HMCN1: variants seen among roughly 807,000 people sequenced by gnomAD.
HMCN1 encodes the protein hemicentin 1.
In HMCN1, 321 loss-of-function variants were observed where a neutral mutation model predicts 625.9. That is an observed-to-expected ratio of 0.51 (90% CI 0.47 to 0.56). The LOEUF (loss-of-function observed/expected upper bound fraction) is 0.56. Among genes scored for constraint, HMCN1 ranks in the 20% least tolerant of loss-of-function variants. The pLI is 0.00. For missense variants in HMCN1, 6,588 were observed against 6,887.3 expected, an observed-to-expected ratio of 0.96 and a Z score of 1.54; for synonymous variants, 2,425 against 2,417.6, an observed-to-expected ratio of 1.00 and a Z score of -0.09.
intron 1 of HMCN1, among the ~76,000 whole-genome samples, chr1:185,830,650 G>T (rs954709861): frequency 1.3e-5 from 2 of 152,082 alleles, no homozygotes; most frequent in African/African-American, 4.8e-5. Context: ...CCAGCACTTT[G>T]GGAGGCTGGG....
chr1:185,798,972 T>G (rs2102219435), intron 1 of HMCN1, among the ~76,000 whole-genome samples: 1 of 152,316 alleles, frequency 6.6e-6, no homozygotes, highest in African/African-American at 2.4e-5. Flanking sequence ...AATTATGTCT[T>G]TGGTTCCTAA....
intron 14 of HMCN1, among the ~76,000 whole-genome samples, chr1:185,969,504 G>C (rs1024816920): frequency 1.3e-5 from 2 of 152,084 alleles, no homozygotes; most frequent in African/African-American, 2.4e-5. Context: ...CCTGAGTTGT[G>C]TTTGCTTCTT....
Position 186,046,266 on chromosome 1 carries a change from C to T in HMCN1, c.6480+403C>T, listed in dbSNP as rs148554845. On this transcript the variant is annotated intron_variant, in intron 41 of 106. Transcript: ENST00000271588. ...GGCGGACCACTTGAGGTCAGGAGTTCGAGACCAGCCCAGCCAACATGGTGA... is the reference window on the plus strand; with the variant it reads ...GGCGGACCACTTGAGGTCAGGAGTTTGAGACCAGCCCAGCCAACATGGTGA... 6.2e-3 allele frequency among the ~76,000 whole-genome samples: 949 copies of T among 152,146 alleles called. 4 individuals carry two copies. Among genetic ancestry groups the T allele is most frequent in the Non-Finnish European group, 0.011 (755 of 67,984 alleles).
At chr1:186,103,008 T>A (rs1391904234) in intron 68 of HMCN1, among the ~76,000 whole-genome samples, 1 of 152,212 alleles carries the variant, frequency 6.6e-6, no homozygotes, top group African/African-American at 2.4e-5. Flanking sequence ...TTCTGCTTAG[T>A]CATTGTTTCC....
intron 4 of HMCN1, among the ~76,000 whole-genome samples, chr1:185,878,611 T>C (rs1397721227): frequency 1.3e-5 from 2 of 152,204 alleles, no homozygotes; most frequent in Admixed American, 6.5e-5. Flanking sequence ...ATTATCTTTT[T>C]GGTGTGCTGG....
intron 11 of HMCN1, among the ~76,000 whole-genome samples, chr1:185,934,559 T>C (rs1667718982): frequency 6.6e-6 from 1 of 152,204 alleles, no homozygotes; most frequent in South Asian, 2.1e-4. Flanking sequence ...GGAAACATAT[T>C]TGGCTTCTAA....
In HMCN1 at chr1:186,140,807, A is replaced by G. The variant is rs572291587; in HGVS notation, c.13924+2835A>G. 5.9e-5 allele frequency among the ~76,000 whole-genome samples: 9 copies of G among 152,158 alleles called. No individual in the cohort carries two copies. The South Asian group carries it at 1.4e-3, about 24-fold the overall frequency. ...TTTCTTTACTTTGTGATTTATATCAATCAGGACTCAGGTATTATTCAATGG... is the reference window on the plus strand; with the variant it reads ...TTTCTTTACTTTGTGATTTATATCAGTCAGGACTCAGGTATTATTCAATGG... On this transcript the variant is annotated intron_variant, in intron 89 of 106. Transcript: ENST00000271588.
At chr1:186,165,940 A>C (rs978416990) in intron 98 of HMCN1, among the ~76,000 whole-genome samples, 1 of 152,238 alleles carries the variant, frequency 6.6e-6, no homozygotes, top group Non-Finnish European at 1.5e-5. Context: ...GATGATAAAT[A>C]TATTTTAGCT....
At chr1:185,781,084 T>C (rs1657059594) in intron 1 of HMCN1, among the ~76,000 whole-genome samples, 1 of 152,236 alleles carries the variant, frequency 6.6e-6, no homozygotes, top group African/African-American at 2.4e-5. Flanking sequence ...TGGGAAGTTG[T>C]ATGTGTCCAG....
At chr1:186,027,404 A>G (rs1435544306) in intron 36 of HMCN1, among the ~76,000 whole-genome samples, 1 of 152,238 alleles carries the variant, frequency 6.6e-6, no homozygotes, top group Admixed American at 6.5e-5. Flanking sequence ...TAGCCCAAGC[A>G]TTCATTTTAT....
Position 186,090,892 on chromosome 1 carries a change from G to A in HMCN1, c.9862G>A (p.Ala3288Thr). 6.2e-7 allele frequency: 1 copy of A among 1,612,270 alleles called. No individual in the cohort carries two copies. Among genetic ancestry groups the A allele is most frequent in the Non-Finnish European group, 8.5e-7 (1 of 1,178,760 alleles). ...ATGGCTTAAAGATGGAAAGCCCATAGCTAGTGGTGAAACAGAAAGAATCCG... is the reference window on the plus strand; with the variant it reads ...ATGGCTTAAAGATGGAAAGCCCATAACTAGTGGTGAAACAGAAAGAATCCG... ...IQWLKDGKPI[A>T]SGETERIRVS... The change falls in exon 64 of 107, where the codon GCT becomes ACT. Residue 3288 changes from alanine (A) to threonine (T), a missense_variant. Ala to Thr is a moderately conservative substitution (Grantham distance 58). This residue lies in a region of HMCN1 where 4,628 missense variants were observed against 4,853.1 expected (regional missense o/e 0.95). Transcript: ENST00000271588.
At chr1:185,887,096 G>A (rs975149463) in intron 4 of HMCN1, among the ~76,000 whole-genome samples, 1 of 151,990 alleles carries the variant, frequency 6.6e-6, no homozygotes, top group African/African-American at 2.4e-5. Context: ...CATCTTTCAA[G>A]GGTCATCTTT....
Position 186,023,816 on chromosome 1 carries a change from AATTT to A in HMCN1, c.5749+667_5749+670del, listed in dbSNP as rs1272250114. 5.3e-5 allele frequency among the ~76,000 whole-genome samples: 8 copies of A among 152,316 alleles called. No homozygotes were observed. In the South Asian group the frequency reaches 1.5e-3, roughly 28 times the overall value. On this transcript the variant is annotated intron_variant, in intron 36 of 106. Coordinates refer to ENST00000271588, the MANE Select transcript of HMCN1 (RefSeq NM_031935.3). ...ATGATTTCTTCTTCAGCCTTTTATTAATTTATTCATTCATATATTCACTTCACAT... is the reference window on the plus strand; with the variant it reads ...ATGATTTCTTCTTCAGCCTTTTATTAATTCATTCATATATTCACTTCACAT...
In HMCN1 at chr1:186,189,980, C is replaced by T. The variant is rs963113511; in HGVS notation, c.*102C>T. 2 of 1,352,738 alleles carry T rather than the reference C, an allele frequency of 1.5e-6. No homozygotes were observed. The highest frequency in any genetic ancestry group is 2.5e-4 in the Middle Eastern group (1 of 3,986). 83.8% of individuals were successfully genotyped at this position (1,352,738 alleles called of 1,614,324 possible). A position where few individuals can be genotyped will look rare whatever the true frequency, so the allele number is the denominator to read the frequency against. ...TCTTGAACAGTTGCAATCTTGGCAG[C>T]TTGAAAATGGTGCTACACTCTGTTT... is the stretch of plus-strand genomic sequence containing the variant. On this transcript the variant is annotated 3_prime_UTR_variant, in exon 107 of 107. Coordinates refer to ENST00000271588, the MANE Select transcript of HMCN1 (RefSeq NM_031935.3).
intron 10 of HMCN1, 79 bp from the exon 11 acceptor site, chr1:185,933,470 A>T: frequency 7.2e-7 from 1 of 1,381,866 alleles, no homozygotes; most frequent in Non-Finnish European, 1.0e-6. Context: ...GTACATACTT[A>T]TTCAGTTTTT....
At chr1:185,975,634 A>G (rs1336671813) in intron 15 of HMCN1, among the ~76,000 whole-genome samples, 1 of 152,196 alleles carries the variant, frequency 6.6e-6, no homozygotes, top group Non-Finnish European at 1.5e-5. Flanking sequence ...GAGCTATTCT[A>G]TTAACTATGT....
In HMCN1 at chr1:186,001,594, G is replaced by A. The variant is rs777873366; in HGVS notation, c.4201G>A (p.Val1401Met). The change falls in exon 28 of 107, where the codon GTG (valine) becomes ATG (methionine). Residue 1401 changes from valine (V) to methionine (M), a missense_variant and splice_region_variant. This residue lies in a region of HMCN1 where 4,628 missense variants were observed against 4,853.1 expected (regional missense o/e 0.95). Transcript: ENST00000271588. Reference sequence around the variant, plus strand: ...ACACTGACCATTTTGGCCCTTAAAGGTGACTGAAAGCAGCACTATTCAGAC... The same window carrying A: ...ACACTGACCATTTTGGCCCTTAAAGATGACTGAAAGCAGCACTATTCAGAC... ...IIMWYKDNVQ[V>M]TESSTIQTVN... The A allele has an allele frequency of 6.2e-7, 1 of 1,612,946 alleles. No individual in the cohort carries two copies. The highest frequency in any genetic ancestry group is 1.1e-5 in the South Asian group (1 of 91,062).
chr1:186,160,484 G>A (rs1348108221), intron 97 of HMCN1, among the ~76,000 whole-genome samples: 3 of 150,296 alleles, frequency 2.0e-5, no homozygotes, highest in Non-Finnish European at 4.4e-5. Context: ...GTTTGCTCTT[G>A]CTTTTCTAAT....
intron 30 of HMCN1, among the ~76,000 whole-genome samples, chr1:186,010,746 T>C (rs914544187): frequency 1.3e-5 from 2 of 152,192 alleles, no homozygotes; most frequent in African/African-American, 4.8e-5. Context: ...TAATTACCGA[T>C]AGCAGGACTT....
Sources: allele counts gnomAD v4.1 joint callset (sites outside exome capture counted in the v4.1 genomes callset), GRCh38; gene constraint gnomAD v4.1.1; regional missense constraint gnomAD v4.1.1; transcripts MANE v1.5; gene names NCBI Gene and HGNC (gene_info 2026-07-23, HGNC 2026-07-21).